Variants in RPGRIP1L observed in about 807,000 individuals in gnomAD.
RPGRIP1L encodes the protein RPGRIP1 like.
In RPGRIP1L, 131 loss-of-function variants were observed where a neutral mutation model predicts 160.4. That is an observed-to-expected ratio of 0.82 (90% CI 0.71 to 0.94). RPGRIP1L has a LOEUF of 0.94. Ranked by LOEUF, RPGRIP1L falls within the 40% of genes least tolerant of loss-of-function variation. The pLI, the probability that RPGRIP1L is intolerant of heterozygous loss-of-function variation, is 0.00. For missense variants in RPGRIP1L, 1,522 were observed against 1,535.8 expected (o/e 0.99, Z 0.15); for synonymous variants, 510 against 515.8 (o/e 0.99, Z 0.15).
Position 53,657,646 on chromosome 16 carries a change from C to T in RPGRIP1L, c.1402-14G>A, listed in dbSNP as rs991692198. 2 of 1,511,566 alleles carry T rather than the reference C, an allele frequency of 1.3e-6. No individual in the cohort carries two copies. The highest frequency in any genetic ancestry group is 2.8e-5 in the African/African-American group (2 of 72,414). The allele number at this position is 1,511,566 out of a possible 1,614,324, so 93.6% of individuals were successfully genotyped here. The stretch of plus-strand genomic sequence containing the variant: ...TTCTTTTTGAGCCTAAAATAAAAAA[C>T]ATGTTTTATGACTGAAACAAAAATT... On this transcript the variant is annotated splice_polypyrimidine_tract_variant and intron_variant, in intron 12 of 26. Coordinates refer to ENST00000647211, the MANE Select transcript of RPGRIP1L (RefSeq NM_015272.5).
Position 53,641,488 on chromosome 16 carries a change from A to T in RPGRIP1L, c.2684-13T>A, listed in dbSNP as rs1281199461. Reference sequence around the variant, plus strand: ...AACTCAAATATTCCTGTCAAATTACAATAATTTTAATTAATGCTAGAGTGA... The same window carrying T: ...AACTCAAATATTCCTGTCAAATTACTATAATTTTAATTAATGCTAGAGTGA... On this transcript the variant is annotated splice_polypyrimidine_tract_variant and intron_variant, in intron 17 of 26. Coordinates refer to ENST00000647211, the MANE Select transcript of RPGRIP1L (RefSeq NM_015272.5). The T allele has an allele frequency of 6.2e-7, 1 of 1,603,060 alleles. No individual in the cohort carries two copies. Among genetic ancestry groups the T allele is most frequent in the Non-Finnish European group, 8.5e-7 (1 of 1,170,236 alleles).
intron 23 of RPGRIP1L, among the ~76,000 whole-genome samples, chr16:53,621,879 C>T (rs1467924652): frequency 2.7e-5 from 4 of 150,404 alleles, no homozygotes; most frequent in African/African-American, 7.4e-5. Context: ...AAAAATCAAT[C>T]GGGTGTGGTG....
At chr16:53,631,176 A>AT (rs1965494766) in intron 22 of RPGRIP1L, among the ~76,000 whole-genome samples, 1 of 152,240 alleles carries the variant, frequency 6.6e-6, no homozygotes, top group Admixed American at 6.5e-5. Context: ...CGAATTCTAA[A>AT]GCGAGTGAAT....
At chr16:53,648,624 G>GCACACACACACACA (rs1285147301) in intron 16 of RPGRIP1L, among the ~76,000 whole-genome samples, 65 of 106,814 alleles carry the variant, frequency 6.1e-4, no homozygotes, top group African/African-American at 1.2e-3. Context: ...GCGCGCGCGC[G>GCACACACACACACA]CGCACACACA....
intron 17 of RPGRIP1L, among the ~76,000 whole-genome samples, chr16:53,643,422 G>C (rs551887818): frequency 6.6e-6 from 1 of 152,196 alleles, no homozygotes; most frequent in Non-Finnish European, 1.5e-5. Flanking sequence ...AATCAAAGAG[G>C]ACCCTGGTAA....
intron 15 of RPGRIP1L, 121 bp from the exon 16 acceptor site, chr16:53,649,236 T>C (rs1966788579): frequency 1.3e-6 from 1 of 768,010 alleles, no homozygotes; most frequent in Non-Finnish European, 2.2e-6. Flanking sequence ...TAAAATAATA[T>C]GACTTGCACA....
chr16:53,658,953 T>A, intron 10 of RPGRIP1L, 75 bp from the exon 11 acceptor site: 1 of 975,552 alleles, frequency 1.0e-6, no homozygotes. Context: ...ATTACTTTAA[T>A]TCCTGTTCCA....
chr16:53,629,724 T>C (rs1435732852), intron 22 of RPGRIP1L, among the ~76,000 whole-genome samples: 1 of 152,184 alleles, frequency 6.6e-6, no homozygotes, highest in African/African-American at 2.4e-5. Flanking sequence ...ACCACCTAAC[T>C]CATGAGTTGG....
intron 26 of RPGRIP1L, among the ~76,000 whole-genome samples, chr16:53,604,347 T>C (rs1963545896): frequency 6.6e-6 from 1 of 152,216 alleles, no homozygotes; most frequent in South Asian, 2.1e-4. Context: ...ACATAAGAGG[T>C]GCTCCCTTCA....
At chr16:53,665,375 C>A (rs1015661455) in intron 9 of RPGRIP1L, among the ~76,000 whole-genome samples, 11 of 152,120 alleles carry the variant, frequency 7.2e-5, no homozygotes, top group African/African-American at 2.4e-4. Flanking sequence ...CTCCCACATA[C>A]AAACCTCTTA....
At chr16:53,698,292 C>T (rs1198921975) in intron 2 of RPGRIP1L, among the ~76,000 whole-genome samples, 1 of 150,044 alleles carries the variant, frequency 6.7e-6, no homozygotes, top group Non-Finnish European at 1.5e-5. Flanking sequence ...CCCCGCCAGG[C>T]CAGCCGCCCC....
At chr16:53,602,629 G>A (rs1350051383) in intron 26 of RPGRIP1L, among the ~76,000 whole-genome samples, 1 of 152,074 alleles carries the variant, frequency 6.6e-6, no homozygotes, top group African/African-American at 2.4e-5. Context: ...TACAAAATTA[G>A]CCGAGCATGG....
intron 21 of RPGRIP1L, among the ~76,000 whole-genome samples, 172 bp from the exon 22 acceptor site, chr16:53,636,684 A>G (rs1191455181): frequency 6.6e-6 from 1 of 151,848 alleles, no homozygotes; most frequent in East Asian, 1.9e-4. Context: ...CATTTTAGGG[A>G]AAAAAAAGAC....
intron 9 of RPGRIP1L, among the ~76,000 whole-genome samples, chr16:53,666,454 A>G (rs1334557505): frequency 6.6e-6 from 1 of 152,120 alleles, no homozygotes; most frequent in East Asian, 1.9e-4. Context: ...AATACTAAAT[A>G]ATATTCCTTT....
chr16:53,602,056 T>G lies in RPGRIP1L; in HGVS notation c.*20A>C. 7.1e-7 allele frequency: 1 copy of G among 1,400,226 alleles called. No homozygotes were observed. Among genetic ancestry groups the G allele is most frequent in the South Asian group, 1.2e-5 (1 of 86,020 alleles). The allele number at this position is 1,400,226 out of a possible 1,614,324, so 86.7% of individuals were successfully genotyped here. A position where few individuals can be genotyped will look rare whatever the true frequency, so the allele number is the denominator to read the frequency against. ...TGAGCATTTACTGAGGAGTAGGAGA[T>G]GCCTCTGGAGCATTTGCTTTCAAGC... On this transcript the variant is annotated 3_prime_UTR_variant, in exon 27 of 27. Transcript: ENST00000647211.
At chr16:53,695,636 A>T (rs1279636944) in intron 3 of RPGRIP1L, 1 of 571,746 alleles carries the variant, frequency 1.7e-6, no homozygotes, top group African/African-American at 1.9e-5. Context: ...CAAAAGTGAC[A>T]ATACTGTTTC....
At chr16:53,698,417 C>T (rs1478276705) in intron 2 of RPGRIP1L, among the ~76,000 whole-genome samples, 2 of 139,118 alleles carry the variant, frequency 1.4e-5, no homozygotes, top group African/African-American at 5.6e-5. Flanking sequence ...AGATGAGGGG[C>T]GCCTCTGCCC....
chr16:53,660,600 G>A (rs12448547), intron 10 of RPGRIP1L, among the ~76,000 whole-genome samples: 7,801 of 151,710 alleles, frequency 0.051, 404 homozygotes, highest in East Asian at 0.3. Context: ...GCAATACAGA[G>A]ACATTTTACA....
intron 26 of RPGRIP1L, among the ~76,000 whole-genome samples, chr16:53,603,866 T>A (rs1963518463): frequency 6.6e-6 from 1 of 152,144 alleles, no homozygotes. Context: ...CTTCTATGGT[T>A]GCTGCAGAAC....
Sources: gnomAD v4.1 joint callset for allele counts (sites outside exome capture counted in the v4.1 genomes callset) on GRCh38, gnomAD v4.1.1 for gene constraint, MANE v1.5 for transcripts, NCBI Gene and HGNC (gene_info 2026-07-23, HGNC 2026-07-21) for gene names.